The following TRAF3 variants were observed in gnomAD, a reference collection of about 807,000 sequenced individuals.
TRAF3 encodes TNF receptor associated factor 3.
Under a neutral mutation model 62.3 loss-of-function variants are expected in TRAF3, and 13 were observed. The observed-to-expected ratio is 0.21, with a 90% confidence interval of 0.14 to 0.33. The LOEUF is 0.33. Among genes scored for constraint, TRAF3 ranks in the 10% least tolerant of loss-of-function variants. The pLI, the probability that TRAF3 is intolerant of heterozygous loss-of-function variation, is 1.00. For synonymous variants in TRAF3, 269 were observed against 283.4 expected (o/e 0.95, Z 0.51); for missense variants, 440 against 741.8 (o/e 0.59, Z 4.73).
chr14:102,820,405 C>CAAGAGGGCA (rs1899825645), intron 1 of TRAF3, among the ~76,000 whole-genome samples: 1 of 151,752 alleles, frequency 6.6e-6, no homozygotes, highest in African/African-American at 2.4e-5. Flanking sequence ...ACACTCTGCC[C>CAAGAGGGCA]TCTTAGCTGG....
intron 1 of TRAF3, among the ~76,000 whole-genome samples, chr14:102,779,547 G>T (rs1897186018): frequency 6.6e-6 from 1 of 152,130 alleles, no homozygotes; most frequent in Admixed American, 6.6e-5. Flanking sequence ...TGCGGATTCT[G>T]ATTCTCTAAA....
chr14:102,890,943 A>C (rs1889676119), intron 8 of TRAF3, among the ~76,000 whole-genome samples: 1 of 152,186 alleles, frequency 6.6e-6, no homozygotes, highest in Non-Finnish European at 1.5e-5. Context: ...AACATTTTCC[A>C]CTTATGCTAT....
intron 1 of TRAF3, among the ~76,000 whole-genome samples, chr14:102,797,257 C>T (rs894032648): frequency 6.6e-6 from 1 of 152,166 alleles, no homozygotes; most frequent in African/African-American, 2.4e-5. Flanking sequence ...GTCACTCAGG[C>T]TTGGAGTGAA....
intron 1 of TRAF3, among the ~76,000 whole-genome samples, chr14:102,801,034 C>T (rs545990891): frequency 9.2e-5 from 14 of 152,086 alleles, no homozygotes; most frequent in Non-Finnish European, 1.3e-4. Flanking sequence ...GGCGCAGTGG[C>T]GGGCGCCTGT....
chr14:102,887,375 A>G (rs1243727746), intron 7 of TRAF3, among the ~76,000 whole-genome samples: 1 of 152,202 alleles, frequency 6.6e-6, no homozygotes, highest in African/African-American at 2.4e-5. Context: ...GGCTAGGGCC[A>G]GGGACTCAGG....
chr14:102,853,729 T>C lies in TRAF3; in HGVS notation c.-17-16456T>C, dbSNP rs150507600. On this transcript the variant is annotated intron_variant, in intron 2 of 11. Coordinates refer to ENST00000392745, the MANE Select transcript of TRAF3 (RefSeq NM_145725.3). ...GGCACACTCCTGTAACCTCAGGCAA[T>C]TGGGAGGCTGAGGCAGCAGAATTGC... is the stretch of plus-strand genomic sequence containing the variant. Among the ~76,000 whole-genome samples the C allele has an allele frequency of 5.7e-3, 866 of 151,736 alleles. 9 individuals carry two copies. Among genetic ancestry groups the C allele is most frequent in the Admixed American group, 9.9e-3 (151 of 15,240 alleles).
At chr14:102,905,133 G>T (rs899968686) in intron 11 of TRAF3, 80 bp from the exon 12 acceptor site, 33 of 1,372,350 alleles carry the variant, frequency 2.4e-5, no homozygotes, top group Non-Finnish European at 3.3e-5. Context: ...ATAAAATAAC[G>T]AGTGCTGGTG....
chr14:102,820,226 C>G (rs1199375493), intron 1 of TRAF3, among the ~76,000 whole-genome samples: 3 of 152,120 alleles, frequency 2.0e-5, no homozygotes, highest in Non-Finnish European at 2.9e-5. Flanking sequence ...GTGTCCCTCT[C>G]AGAGTGTAGG....
At chr14:102,837,118 TTGTGTGTG>T (rs139388630) in intron 2 of TRAF3, among the ~76,000 whole-genome samples, 4 of 78,356 alleles carry the variant, frequency 5.1e-5, no homozygotes, top group African/African-American at 2.3e-4. Context: ...AGCAAGTAAT[TTGTGTGTG>T]TGTGTGTGTG....
chr14:102,789,791 C>T (rs1277759659), intron 1 of TRAF3, among the ~76,000 whole-genome samples: 4 of 151,038 alleles, frequency 2.6e-5, no homozygotes, highest in African/African-American at 9.7e-5. Flanking sequence ...TTGTTGAGTT[C>T]TTTATATATT....
chr14:102,890,536 TTATA>T (rs1192383279), intron 8 of TRAF3, among the ~76,000 whole-genome samples: 2 of 152,194 alleles, frequency 1.3e-5, no homozygotes, highest in Non-Finnish European at 2.9e-5. Context: ...ATATATATGT[TTATA>T]TATTGCAACA....
intron 1 of TRAF3, among the ~76,000 whole-genome samples, chr14:102,814,469 T>G (rs75716008): frequency 0.017 from 2,611 of 152,328 alleles, 37 homozygotes; most frequent in Non-Finnish European, 0.03. Flanking sequence ...TCTATTTCTG[T>G]GAACAATGTC....
At chr14:102,798,805 GC>G in intron 1 of TRAF3, among the ~76,000 whole-genome samples, 1 of 152,210 alleles carries the variant, frequency 6.6e-6, no homozygotes, top group Admixed American at 6.5e-5. Flanking sequence ...CTTCATGGGT[GC>G]CAGTCCTGCT....
intron 1 of TRAF3, among the ~76,000 whole-genome samples, chr14:102,791,020 C>CTTTT: frequency 7.7e-6 from 1 of 129,890 alleles, no homozygotes; most frequent in African/African-American, 2.8e-5. Context: ...CTTTTCTTTT[C>CTTTT]TTTTTTTTTT....
At chr14:102,792,450 T>C (rs67610772) in intron 1 of TRAF3, among the ~76,000 whole-genome samples, 67,839 of 141,854 alleles carry the variant, frequency 0.48, 17,837 homozygotes, top group South Asian at 0.71. Flanking sequence ...TTTTTTTTTT[T>C]TTTTAGTGAT....
chr14:102,835,750 C>T (rs1885960968), intron 2 of TRAF3, among the ~76,000 whole-genome samples: 1 of 152,116 alleles, frequency 6.6e-6, no homozygotes, highest in African/African-American at 2.4e-5. Flanking sequence ...GTAGGGCCTA[C>T]TTGAGGGTGG....
chr14:102,807,886 A>C (rs2139498181), intron 1 of TRAF3, among the ~76,000 whole-genome samples: 1 of 152,290 alleles, frequency 6.6e-6, no homozygotes, highest in East Asian at 1.9e-4. Context: ...TTTTTACGAA[A>C]AAGGAAATGG....
At chr14:102,869,090 C>G (rs1266526663) in intron 2 of TRAF3, among the ~76,000 whole-genome samples, 1 of 152,226 alleles carries the variant, frequency 6.6e-6, no homozygotes, top group Non-Finnish European at 1.5e-5. Flanking sequence ...CGAGCCCCCT[C>G]ATGCACACAG....
chr14:102,900,205 A>AAGC (rs1443635739), intron 10 of TRAF3, among the ~76,000 whole-genome samples: 3 of 135,498 alleles, frequency 2.2e-5, no homozygotes, highest in African/African-American at 9.3e-5. Flanking sequence ...AAAAAAAAAG[A>AAGC]CAGCCTAGGC....
Sources: gnomAD v4.1 joint callset for allele counts (sites outside exome capture counted in the v4.1 genomes callset) on GRCh38, gnomAD v4.1.1 for gene constraint, MANE v1.5 for transcripts, NCBI Gene and HGNC (gene_info 2026-07-23, HGNC 2026-07-21) for gene names.